Variants in NLRP2 observed in about 807,000 individuals in gnomAD.
NLRP2 encodes the protein NLR family pyrin domain containing 2.
NLRP2 carries 107 observed loss-of-function variants against 97.2 expected under a neutral mutation model. The ratio of observed to expected loss-of-function variants is 1.10; its 90% confidence interval spans 0.94 to 1.29. The LOEUF is 1.29. NLRP2 is among the 50% of genes most tolerant of loss of function. The probability of loss-of-function intolerance (pLI) is 0.00; values close to 1 mark genes in which losing one functional copy is unlikely to be tolerated. For missense variants in NLRP2, 1,495 were observed against 1,330.3 expected, an observed-to-expected ratio of 1.12 and a Z score of -1.93; for synonymous variants, 663 against 551.5, an observed-to-expected ratio of 1.20 and a Z score of -2.83.
intron 3 of NLRP2, among the ~76,000 whole-genome samples, chr19:54,975,408 A>G (rs1013790714): frequency 6.9e-6 from 1 of 144,774 alleles, no homozygotes; most frequent in Non-Finnish European, 1.5e-5. Flanking sequence ...GGTGTGAGCC[A>G]TGACACCTGG....
chr19:54,967,354 T>C (rs1238649045), intron 1 of NLRP2, among the ~76,000 whole-genome samples: 3 of 152,020 alleles, frequency 2.0e-5, no homozygotes, highest in Non-Finnish European at 4.4e-5. Flanking sequence ...TGGTAGCGCA[T>C]ACTTGTAATC....
chr19:54,992,140 C>T (rs973137586), intron 10 of NLRP2, among the ~76,000 whole-genome samples: 1 of 151,698 alleles, frequency 6.6e-6, no homozygotes, highest in Non-Finnish European at 1.5e-5. Flanking sequence ...TGGTCTCGAA[C>T]TGACCTCATG....
chr19:54,995,079 C>T (rs944675439), intron 11 of NLRP2, among the ~76,000 whole-genome samples: 15 of 150,588 alleles, frequency 1.0e-4, no homozygotes, highest in African/African-American at 3.2e-4. Context: ...TTCGGGAGGC[C>T]GAAGCGGGCG....
intron 1 of NLRP2, among the ~76,000 whole-genome samples, chr19:54,969,547 C>T (rs1040720757): frequency 2.0e-5 from 3 of 149,696 alleles, no homozygotes; most frequent in East Asian, 2.0e-4. Flanking sequence ...CCCAGCTAGT[C>T]GGGAGGCTGA....
At chr19:54,972,669 C>T (rs1450131678) in intron 2 of NLRP2, among the ~76,000 whole-genome samples, 2 of 151,964 alleles carry the variant, frequency 1.3e-5, no homozygotes, top group African/African-American at 4.8e-5. Flanking sequence ...GTTGCCCAGG[C>T]TGGTCTCGAA....
intron 4 of NLRP2, among the ~76,000 whole-genome samples, chr19:54,979,557 G>A (rs140529427): frequency 0.027 from 4,162 of 151,598 alleles, 392 homozygotes; most frequent in Admixed American, 0.2. Context: ...CACCATGTTG[G>A]GCAGGCTGGT....
At chr19:54,984,751 A>G (rs546242957) in intron 6 of NLRP2, among the ~76,000 whole-genome samples, 15 of 152,020 alleles carry the variant, frequency 9.9e-5, no homozygotes, top group African/African-American at 3.4e-4. Context: ...ACAAAGTGCT[A>G]GGATTATAGG....
rs199627730 is a variant in NLRP2 at position 54,991,924 on chromosome 19, ATT to A, written c.2708+1269_2708+1270del. ...TCGATTTTATGTTAACATCTCTGGTATTTTTTTTTTTTTTTTTTAAGATGGAG... is the reference window on the plus strand; with the variant it reads ...TCGATTTTATGTTAACATCTCTGGTATTTTTTTTTTTTTTTTAAGATGGAG... On this transcript the variant is annotated intron_variant, in intron 10 of 12. Transcript: ENST00000448584. Among the ~76,000 whole-genome samples the A allele has an allele frequency of 7.9e-3, 1,006 of 127,256 alleles. 7 individuals are homozygous for A. Among genetic ancestry groups the A allele is most frequent in the African/African-American group, 0.025 (854 of 34,008 alleles). The allele number at this position is 127,256 out of a possible 152,430, so 83.5% of individuals were successfully genotyped here.
At position 54,994,279 on chromosome 19, in the gene NLRP2, T is replaced by C. The variant is rs780716411; in HGVS notation, c.2719T>C (p.Cys907Arg). 4.3e-6 allele frequency: 7 copies of C among 1,613,980 alleles called. No homozygotes were observed. The highest frequency in any genetic ancestry group is 1.3e-5 in the African/African-American group (1 of 74,922). ...GTGGTTGATTTCTAGGCTTTGGAAC[T>C]GCGACATAACTAGCGATGGCTGCTG... The part of the protein sequence containing the change: ...CKLQTLVLWN[C>R]DITSDGCCDL... Residue 907 changes from cysteine to arginine, a missense_variant, in exon 11 of 13, where the codon TGC becomes CGC. Transcript: ENST00000448584.
chr19:54,977,739 C>T lies in NLRP2; in HGVS notation c.326-13C>T. The stretch of plus-strand genomic sequence containing the variant: ...CACAGCAACAGGCCTGTAATGCCGC[C>T]CTTTTTCTCCAGGGATAACACGGAA... On this transcript the variant is annotated splice_polypyrimidine_tract_variant and intron_variant, in intron 3 of 12. Coordinates refer to ENST00000448584, the MANE Select transcript of NLRP2 (RefSeq NM_017852.5). 1.2e-6 allele frequency: 2 copies of T among 1,613,706 alleles called. No homozygotes were observed. The highest frequency in any genetic ancestry group is 8.5e-7 in the Non-Finnish European group (1 of 1,179,996).
rs746508494 is a variant in NLRP2, at chr19:54,982,680, C to T, written c.982C>T (p.Pro328Ser). ...LGSLLNRVML[P>S]KAALLVTTRP... ...GAGTTTGCTGAACAGGGTGATGTTACCCAAGGCCGCCCTGCTGGTCACCAC... is the reference window on the plus strand; with the variant it reads ...GAGTTTGCTGAACAGGGTGATGTTATCCAAGGCCGCCCTGCTGGTCACCAC... The change falls in exon 6 of 13, where the codon CCC becomes TCC. Residue 328 changes from proline (P) to serine (S), a missense_variant. Transcript: ENST00000448584. 1.9e-6 allele frequency: 3 copies of T among 1,614,088 alleles called. No individual in the cohort carries two copies. Among genetic ancestry groups the T allele is most frequent in the South Asian group, 1.1e-5 (1 of 91,080 alleles).
In NLRP2 at chr19:54,990,188, T is replaced by C. The variant is rs1312101600; in HGVS notation, c.2533T>C (p.Leu845=). 1 of 1,613,854 alleles carries C rather than the reference T, an allele frequency of 6.2e-7. No homozygotes were observed. The highest frequency in any genetic ancestry group is 8.5e-7 in the Non-Finnish European group (1 of 1,179,970). The change falls in exon 9 of 13, where the codon TTG becomes CTG. Residue 845 remains leucine (L), a synonymous_variant. Transcript: ENST00000448584. ...LRHPKCFLQR[L]SLENCHLTEA... ...ACACCCCAAGTGCTTTCTGCAGAGGTTGTCGTAAGTCTCTCCTCTCTTACA... is the reference window on the plus strand; with the variant it reads ...ACACCCCAAGTGCTTTCTGCAGAGGCTGTCGTAAGTCTCTCCTCTCTTACA...
intron 3 of NLRP2, among the ~76,000 whole-genome samples, chr19:54,975,559 C>T (rs1383832682): frequency 2.7e-5 from 4 of 148,050 alleles, no homozygotes; most frequent in Non-Finnish European, 4.4e-5. Flanking sequence ...TCATGCCATT[C>T]TCCTGCCTCA....
chr19:54,994,395 G>A lies in NLRP2; in HGVS notation c.2835G>A (p.Leu945=), dbSNP rs566225506. The change falls in exon 11 of 13, where the codon CTG becomes CTA. Residue 945 remains leucine (L), a synonymous_variant. Coordinates refer to ENST00000448584, the MANE Select transcript of NLRP2 (RefSeq NM_017852.5). The part of the protein sequence containing the change: ...NHIGVKGMKF[L]CEALRKPLCN... ...TAGGAGTTAAGGGAATGAAGTTCCT[G>A]TGTGAGGCTTTGAGGAAACCACTGT... is the stretch of plus-strand genomic sequence containing the variant. The A allele has an allele frequency of 1.9e-6, 3 of 1,613,698 alleles. No homozygotes were observed. Among genetic ancestry groups the A allele is most frequent in the South Asian group, 1.1e-5 (1 of 91,046 alleles).
At chr19:54,992,993 A>AG (rs1167624336) in intron 10 of NLRP2, among the ~76,000 whole-genome samples, 8 of 151,998 alleles carry the variant, frequency 5.3e-5, no homozygotes, top group Non-Finnish European at 1.0e-4. Context: ...AGGCCGAGGC[A>AG]GGTGGATCAT....
Position 54,981,678 on chromosome 19 carries a change from G to A in NLRP2, c.459G>A (p.Lys153=), listed in dbSNP as rs377580382. 1.1e-5 allele frequency: 17 copies of A among 1,554,686 alleles called. No individual in the cohort carries two copies. The highest frequency in any genetic ancestry group is 1.4e-5 in the African/African-American group (1 of 73,812). ...CLGKEVFKGK[K]PDKDNRCRYI... The stretch of plus-strand genomic sequence containing the variant: ...GTAAAGAAGTCTTTAAAGGAAAAAA[G>A]CCAGGTCTGTACCATATCTTCCTGC... Residue 153 remains lysine (K), a synonymous_variant, in exon 5 of 13, where the codon AAG becomes AAA. Coordinates refer to ENST00000448584, the MANE Select transcript of NLRP2 (RefSeq NM_017852.5).
intron 2 of NLRP2, among the ~76,000 whole-genome samples, chr19:54,972,703 C>T (rs2070944115): frequency 6.6e-6 from 1 of 152,026 alleles, no homozygotes; most frequent in African/African-American, 2.4e-5. Flanking sequence ...AACCGATCCT[C>T]CTGCCTTGGC....
intron 12 of NLRP2, among the ~76,000 whole-genome samples, 197 bp downstream of exon 12, chr19:54,997,684 A>G (rs968176927): frequency 9.3e-5 from 14 of 150,894 alleles, no homozygotes; most frequent in Non-Finnish European, 1.5e-4. Flanking sequence ...CAAACTCCTG[A>G]CCTCAGGTGA....
At position 54,966,384 on chromosome 19, in the gene NLRP2, C is replaced by G. The variant is rs930867794; in HGVS notation, c.-101C>G. 3 of 151,896 alleles carry G rather than the reference C, an allele frequency of 2.0e-5. No homozygotes were observed. The highest frequency in any genetic ancestry group is 7.3e-5 in the African/African-American group (3 of 41,368). The allele number at this position is 151,896 out of a possible 1,614,324, so 9.4% of individuals were successfully genotyped here. A position where few individuals can be genotyped will look rare whatever the true frequency, so the allele number is the denominator to read the frequency against. On this transcript the variant is annotated 5_prime_UTR_variant, in exon 1 of 13. Coordinates refer to ENST00000448584, the MANE Select transcript of NLRP2 (RefSeq NM_017852.5). The stretch of plus-strand genomic sequence containing the variant: ...TACGCCCCGAGGGCCAATCACAGGG[C>G]TGCGGCCGAGAGAGAAGCCTTATTA...
Sources: allele counts gnomAD v4.1 joint callset (sites outside exome capture counted in the v4.1 genomes callset), GRCh38; gene constraint gnomAD v4.1.1; transcripts MANE v1.5; gene names NCBI Gene and HGNC (gene_info 2026-07-23, HGNC 2026-07-21).